Variants in MC2R observed in about 807,000 individuals in gnomAD.
MC2R encodes melanocortin 2 receptor.
MC2R carries 9 observed loss-of-function variants against 9.8 expected under a neutral mutation model. The observed-to-expected ratio is 0.92, with a 90% CI of 0.55 to 1.60. The LOEUF (loss-of-function observed/expected upper bound fraction) is 1.60. Among genes scored for constraint, MC2R ranks in the 40% most tolerant of loss-of-function variants. The pLI is 0.00. For missense variants in MC2R, 370 were observed against 389.0 expected (o/e 0.95, Z 0.41); for synonymous variants, 185 against 154.7 (o/e 1.20, Z -1.45).
rs17623985 is a variant in MC2R at position 13,912,031 on chromosome 18, C to T, written c.-129+3457G>A. On this transcript the variant is annotated intron_variant, in intron 1 of 1. Coordinates refer to ENST00000327606, the MANE Select transcript of MC2R (RefSeq NM_000529.2). ...CATGGAAAAGAATTGGCTTCACTTA[C>T]GAGTGCTTTAGGTAATTCATTCTGT... is the stretch of plus-strand genomic sequence containing the variant. 3.0e-3 allele frequency among the ~76,000 whole-genome samples: 455 copies of T among 152,172 alleles called. 2 individuals are homozygous for T. The highest frequency in any genetic ancestry group is 9.3e-3 in the South Asian group (45 of 4,826).
chr18:13,894,148 G>T (rs1363521020), intron 1 of MC2R, among the ~76,000 whole-genome samples: 1 of 152,234 alleles, frequency 6.6e-6, no homozygotes, highest in East Asian at 1.9e-4. Context: ...GTGTGTGTGT[G>T]TGTGTGTGTG....
In MC2R at chr18:13,884,417, C is replaced by T. The variant is rs2045258208; in HGVS notation, c.*208G>A. 1.6e-6 allele frequency: 1 copy of T among 623,038 alleles called. No individual in the cohort carries two copies. The highest frequency in any genetic ancestry group is 2.9e-6 in the Non-Finnish European group (1 of 349,124). The allele number at this position is 623,038 out of a possible 1,614,324, so 38.6% of individuals were successfully genotyped here. On this transcript the variant is annotated 3_prime_UTR_variant, in exon 2 of 2. Coordinates refer to ENST00000327606, the MANE Select transcript of MC2R (RefSeq NM_000529.2). Reference sequence around the variant, plus strand: ...TCCTTCTTTTACTACATCGTTTTATCTGTCCAGTCACAAAGTTAAGAGGTT... The same window carrying T: ...TCCTTCTTTTACTACATCGTTTTATTTGTCCAGTCACAAAGTTAAGAGGTT...
At chr18:13,909,010 G>A (rs1278639686) in intron 1 of MC2R, among the ~76,000 whole-genome samples, 1 of 152,028 alleles carries the variant, frequency 6.6e-6, no homozygotes, top group East Asian at 1.9e-4. Context: ...TAAAGTCCAT[G>A]CTTTATTCAA....
At chr18:13,889,706 TTTTTATA>T in intron 1 of MC2R, among the ~76,000 whole-genome samples, 1 of 152,106 alleles carries the variant, frequency 6.6e-6, no homozygotes, top group East Asian at 1.9e-4. Context: ...ATATATATAG[TTTTTATA>T]TTTTTTAAAG....
At chr18:13,894,257 A>AT (rs1555620162) in intron 1 of MC2R, among the ~76,000 whole-genome samples, 2 of 151,694 alleles carry the variant, frequency 1.3e-5, no homozygotes, top group African/African-American at 2.4e-5. Context: ...TTTCTTTTCT[A>AT]TTTCTTCCCA....
chr18:13,884,259 C>A lies in MC2R; in HGVS notation c.*366G>T, dbSNP rs768500810. ...ATGTCCACAGGAAAGCAAGTCTTTGCCTTAGCCCAAAGCCCTTGAATTTTT... is the reference window on the plus strand; with the variant it reads ...ATGTCCACAGGAAAGCAAGTCTTTGACTTAGCCCAAAGCCCTTGAATTTTT... On this transcript the variant is annotated 3_prime_UTR_variant, in exon 2 of 2. Coordinates refer to ENST00000327606, the MANE Select transcript of MC2R (RefSeq NM_000529.2). The A allele has an allele frequency of 1.3e-4, 43 of 333,556 alleles. No individual in the cohort carries two copies. The highest frequency in any genetic ancestry group is 2.3e-4 in the Non-Finnish European group (40 of 172,592). 20.7% of individuals were successfully genotyped at this position (333,556 alleles called of 1,614,324 possible).
intron 1 of MC2R, among the ~76,000 whole-genome samples, chr18:13,891,587 T>C (rs1016235770): frequency 1.3e-5 from 2 of 152,234 alleles, no homozygotes; most frequent in African/African-American, 4.8e-5. Context: ...CAGTGCAAAG[T>C]GCTGTCAGGC....
At chr18:13,896,710 T>G (rs949882350) in intron 1 of MC2R, among the ~76,000 whole-genome samples, 8 of 152,196 alleles carry the variant, frequency 5.3e-5, no homozygotes, top group African/African-American at 1.9e-4. Context: ...CTCTCTGCCT[T>G]TAAGACCTAA....
chr18:13,899,465 C>T (rs918769066), intron 1 of MC2R, among the ~76,000 whole-genome samples: 2 of 152,160 alleles, frequency 1.3e-5, no homozygotes, highest in Non-Finnish European at 2.9e-5. Flanking sequence ...GGGATAATAA[C>T]AGAGAACTCC....
At chr18:13,899,491 G>C (rs1001896962) in intron 1 of MC2R, among the ~76,000 whole-genome samples, 38 of 152,124 alleles carry the variant, frequency 2.5e-4, no homozygotes, top group Admixed American at 1.3e-4. Flanking sequence ...CCTAGAGAAA[G>C]ATACCAATAT....
intron 1 of MC2R, among the ~76,000 whole-genome samples, chr18:13,901,499 C>A (rs1303940700): frequency 6.6e-6 from 1 of 151,258 alleles, no homozygotes; most frequent in East Asian, 1.9e-4. Flanking sequence ...AATCTTTAGC[C>A]AGACTAAGAA....
chr18:13,903,683 G>A (rs1478515879), intron 1 of MC2R, among the ~76,000 whole-genome samples: 1 of 152,198 alleles, frequency 6.6e-6, no homozygotes, highest in East Asian at 1.9e-4. Flanking sequence ...TGGAAAGTTA[G>A]TGTATGTGTG....
chr18:13,911,873 A>G (rs922814109), intron 1 of MC2R, among the ~76,000 whole-genome samples: 8 of 152,202 alleles, frequency 5.3e-5, no homozygotes, highest in African/African-American at 1.9e-4. Context: ...TGGAAATCCA[A>G]AAGATACAGG....
rs1272636872 is a variant in MC2R at position 13,884,814 on chromosome 18, A to G, written c.705T>C (p.Phe235=). 6.2e-7 allele frequency: 1 copy of G among 1,613,902 alleles called. No homozygotes were observed. Among genetic ancestry groups the G allele is most frequent in the African/African-American group, 1.3e-5 (1 of 74,912 alleles). Reference sequence around the variant, plus strand: ...ATGTCATCAAGAGGACATGAAGCACAAAGGGGGCCCAGCAGAAGATGAAGA... The same window carrying G: ...ATGTCATCAAGAGGACATGAAGCACGAAGGGGGCCCAGCAGAAGATGAAGA... ...LGVFIFCWAP[F]VLHVLLMTFC... is the part of the protein sequence containing the mutation. The change falls in exon 2 of 2, where the codon TTT becomes TTC. Residue 235 remains phenylalanine, a synonymous_variant. Transcript: ENST00000327606.
At chr18:13,903,847 A>G (rs559808769) in intron 1 of MC2R, among the ~76,000 whole-genome samples, 196 of 152,310 alleles carry the variant, frequency 1.3e-3, no homozygotes, top group Middle Eastern at 3.4e-3. Flanking sequence ...GCCTTAAAGG[A>G]AAAATTTAAA....
chr18:13,887,764 G>A (rs998670245), intron 1 of MC2R, among the ~76,000 whole-genome samples: 2 of 152,180 alleles, frequency 1.3e-5, no homozygotes, highest in African/African-American at 2.4e-5. Context: ...CTTCGGACTA[G>A]CACAGAAGTG....
At chr18:13,910,410 G>C (rs1274718412) in intron 1 of MC2R, among the ~76,000 whole-genome samples, 7 of 152,012 alleles carry the variant, frequency 4.6e-5, no homozygotes, top group Non-Finnish European at 7.4e-5. Context: ...CTGTTTTGTT[G>C]GCTCTTCAAG....
In MC2R at chr18:13,905,276, GA is replaced by G. The variant is rs1254756630; in HGVS notation, c.-129+10211del. On this transcript the variant is annotated intron_variant, in intron 1 of 1. Transcript: ENST00000327606. Reference sequence around the variant, plus strand: ...ACATTTATGCGGCCAACAAACAAATGAAAAAAAGCTACCATCCTGGCCAACA... The same window carrying G: ...ACATTTATGCGGCCAACAAACAAATGAAAAAAGCTACCATCCTGGCCAACA... 4.6e-5 allele frequency among the ~76,000 whole-genome samples: 7 copies of G among 152,100 alleles called. No individual in the cohort carries two copies. The East Asian group carries it at 1.2e-3, about 25-fold the overall frequency.
At chr18:13,890,980 T>G (rs1224091188) in intron 1 of MC2R, among the ~76,000 whole-genome samples, 1 of 151,984 alleles carries the variant, frequency 6.6e-6, no homozygotes, top group Non-Finnish European at 1.5e-5. Flanking sequence ...GAGGATTGAG[T>G]AGGGCGGGTC....
Sources: gnomAD v4.1 joint callset for allele counts (sites outside exome capture counted in the v4.1 genomes callset) on GRCh38, gnomAD v4.1.1 for gene constraint, MANE v1.5 for transcripts, NCBI Gene and HGNC (gene_info 2026-07-23, HGNC 2026-07-21) for gene names.